Variants in ABCA1 observed in about 807,000 individuals in gnomAD.
The protein encoded by ABCA1 is ATP binding cassette subfamily A member 1.
A neutral mutation model predicts 262.5 loss-of-function variants in ABCA1; 133 were observed. The observed-to-expected ratio is 0.51, with a 90% confidence interval of 0.44 to 0.59. The LOEUF is 0.59. Ranked by LOEUF, ABCA1 falls within the 20% of genes least tolerant of loss-of-function variation. ABCA1 has a pLI of 0.00. For synonymous variants in ABCA1, 1,022 were observed against 1,043.5 expected (o/e 0.98, Z 0.40); for missense variants, 2,452 against 2,777.5 (o/e 0.88, Z 2.63).
At chr9:104,793,460 ACTTTCCAAGT>A (rs1829608645) in intron 40 of ABCA1, among the ~76,000 whole-genome samples, 160 bp from the exon 41 acceptor site, 1 of 152,166 alleles carries the variant, frequency 6.6e-6, no homozygotes, top group Non-Finnish European at 1.5e-5. Flanking sequence ...GAGAGTGATC[ACTTTCCAAGT>A]CTGATTTGGG....
At chr9:104,786,801 C>T in intron 47 of ABCA1, 72 bp downstream of exon 47, 1 of 1,344,126 alleles carries the variant, frequency 7.4e-7, no homozygotes, top group Non-Finnish European at 1.1e-6. Flanking sequence ...CTAATTTTTA[C>T]AAAATGATCG....
chr9:104,786,516 A>G lies in ABCA1; in HGVS notation c.6309-126T>C, dbSNP rs1479503069. The G allele has an allele frequency of 3.5e-6, 3 of 857,914 alleles. No homozygotes were observed. In the Admixed American group the frequency reaches 5.5e-5, roughly 16 times the overall value. The allele number at this position is 857,914 out of a possible 1,614,324, so 53.1% of individuals were successfully genotyped here. Reference sequence around the variant, plus strand: ...TTCTGTTACAAGTACATGTGGATATAGGGATGATGCTGTTCAGTGTAGTGG... The same window carrying G: ...TTCTGTTACAAGTACATGTGGATATGGGGATGATGCTGTTCAGTGTAGTGG... On this transcript the variant is annotated intron_variant, in intron 47 of 49. Transcript: ENST00000374736.
chr9:104,911,050 T>C (rs1187722064), intron 1 of ABCA1, among the ~76,000 whole-genome samples: 1 of 152,144 alleles, frequency 6.6e-6, no homozygotes, highest in African/African-American at 2.4e-5. Flanking sequence ...GTCTTTTTCG[T>C]AATTGAGGTA....
At chr9:104,867,666 T>C (rs1019009205) in intron 5 of ABCA1, among the ~76,000 whole-genome samples, 2 of 152,222 alleles carry the variant, frequency 1.3e-5, no homozygotes, top group African/African-American at 2.4e-5. Context: ...CTGATTTGTC[T>C]ACTCATAACT....
At chr9:104,912,260 G>A (rs1455278735) in intron 1 of ABCA1, among the ~76,000 whole-genome samples, 3 of 152,212 alleles carry the variant, frequency 2.0e-5, no homozygotes, top group Non-Finnish European at 4.4e-5. Flanking sequence ...CTGACCGGGT[G>A]TGGCGGCTCA....
At chr9:104,824,378 A>T in intron 18 of ABCA1, 87 bp downstream of exon 18, 3 of 1,589,580 alleles carry the variant, frequency 1.9e-6, no homozygotes, top group Non-Finnish European at 2.6e-6. Flanking sequence ...AGTCTTTTAG[A>T]AAGGCAGGAG....
chr9:104,860,469 C>T (rs555404432), intron 6 of ABCA1, among the ~76,000 whole-genome samples: 12 of 152,158 alleles, frequency 7.9e-5, no homozygotes, highest in Non-Finnish European at 1.0e-4. Context: ...AATTCTAGAT[C>T]ATGTGAAGCA....
At chr9:104,907,260 C>A (rs1182292230) in intron 1 of ABCA1, among the ~76,000 whole-genome samples, 2 of 152,172 alleles carry the variant, frequency 1.3e-5, no homozygotes, top group African/African-American at 4.8e-5. Context: ...CTGGCTAATG[C>A]CTAGGTCTCA....
intron 43 of ABCA1, among the ~76,000 whole-genome samples, 161 bp from the exon 44 acceptor site, chr9:104,791,189 A>G (rs1482534601): frequency 6.6e-6 from 1 of 152,236 alleles, no homozygotes; most frequent in East Asian, 1.9e-4. Flanking sequence ...TATGTATTTC[A>G]TAATGGGACC....
chr9:104,817,438 G>A lies in ABCA1; in HGVS notation c.3463-34C>T. ...AAAGAAGGAGGTGAGAACGGGTCAG[G>A]GACGGAGCAAGGCAGAGCCACCAGC... On this transcript the variant is annotated intron_variant, in intron 23 of 49. Coordinates refer to ENST00000374736, the MANE Select transcript of ABCA1 (RefSeq NM_005502.4). The surrounding 1 kb of genome is among the most constrained non-coding windows in gnomAD (Gnocchi z 4.7). The A allele has an allele frequency of 6.2e-7, 1 of 1,612,746 alleles. No homozygotes were observed. The highest frequency in any genetic ancestry group is 8.5e-7 in the Non-Finnish European group (1 of 1,178,806).
In ABCA1 at chr9:104,817,360, G is replaced by T; in HGVS notation, c.3507C>A (p.Ser1169Arg). The change falls in exon 24 of 50, where the codon AGC becomes AGA. Residue 1169 changes from serine (S) to arginine (R), a missense_variant. By Grantham distance (110) the Ser-to-Arg change is moderately radical (BLOSUM62 -1). Coordinates refer to ENST00000374736, the MANE Select transcript of ABCA1 (RefSeq NM_005502.4). The surrounding 1 kb of genome is among the most constrained non-coding windows in gnomAD (Gnocchi z 4.7). ...TGGTCAGCGTGTCACTCTCATGGTC[G>T]CTGCCCAGGCCAGCATCAGAACTGC... ...SQSSSDAGLG[S>R]DHESDTLTID... 6.2e-7 allele frequency: 1 copy of T among 1,614,148 alleles called. No individual in the cohort carries two copies. Among genetic ancestry groups the T allele is most frequent in the South Asian group, 1.1e-5 (1 of 91,090 alleles).
chr9:104,889,588 T>C (rs1266188008), intron 2 of ABCA1: 1 of 155,628 alleles, frequency 6.4e-6, no homozygotes, highest in Admixed American at 6.5e-5. Flanking sequence ...AATCATCTGT[T>C]TCTGTTGCTG....
chr9:104,858,503 A>G lies in ABCA1; in HGVS notation c.720+19T>C, dbSNP rs1836044579. 6.2e-7 allele frequency: 1 copy of G among 1,611,574 alleles called. No individual in the cohort carries two copies. Among genetic ancestry groups the G allele is most frequent in the Non-Finnish European group, 8.5e-7 (1 of 1,178,544 alleles). Reference sequence around the variant, plus strand: ...AAGCATTAGTGCTTGAAGTTTCTCCAGTGAGCAAGTCTACTCACCAGGATT... The same window carrying G: ...AAGCATTAGTGCTTGAAGTTTCTCCGGTGAGCAAGTCTACTCACCAGGATT... On this transcript the variant is annotated intron_variant, in intron 7 of 49. Transcript: ENST00000374736.
At chr9:104,862,649 CG>C (rs1283146626) in intron 5 of ABCA1, among the ~76,000 whole-genome samples, 446 of 11,612 alleles carry the variant, frequency 0.038, 30 homozygotes, top group Non-Finnish European at 0.052. Flanking sequence ...CGGGCCGGGC[CG>C]GGCCGGGCCG....
At chr9:104,787,432 G>A (rs903970935) in intron 46 of ABCA1, among the ~76,000 whole-genome samples, 7 of 151,858 alleles carry the variant, frequency 4.6e-5, no homozygotes, top group Non-Finnish European at 1.0e-4. Context: ...CCAGACCGAG[G>A]TGGAATACAT....
chr9:104,891,211 A>T (rs965152284), intron 2 of ABCA1, among the ~76,000 whole-genome samples: 2 of 152,080 alleles, frequency 1.3e-5, no homozygotes, highest in African/African-American at 2.4e-5. Flanking sequence ...TGATATTTTT[A>T]AAAAACTGTT....
chr9:104,814,047 AACAGGTGAGAGCATGAGAGAGAATTTC>A, intron 27 of ABCA1, 44 bp downstream of exon 27: 1 of 1,509,438 alleles, frequency 6.6e-7, no homozygotes. Context: ...ATCCAAAGAA[AACAGGTGAGAGCATGAGAGAGAATTTC>A]ACATTCAAAC....
chr9:104,788,286 G>A lies in ABCA1; in HGVS notation c.6069+140C>T. The A allele has an allele frequency of 3.0e-6, 3 of 1,010,002 alleles. No homozygotes were observed. In the South Asian group the frequency reaches 3.8e-5, roughly 13 times the overall value. The allele number at this position is 1,010,002 out of a possible 1,614,324, so 62.6% of individuals were successfully genotyped here. On this transcript the variant is annotated intron_variant, in intron 45 of 49. Coordinates refer to ENST00000374736, the MANE Select transcript of ABCA1 (RefSeq NM_005502.4). ...ACCGTTACAGGTTTCCACCCTGAAAGCAGATACAAAGAACCAGCATTTTGT... is the reference window on the plus strand; with the variant it reads ...ACCGTTACAGGTTTCCACCCTGAAAACAGATACAAAGAACCAGCATTTTGT...
intron 7 of ABCA1, among the ~76,000 whole-genome samples, chr9:104,850,423 G>A (rs1221653947): frequency 6.6e-6 from 1 of 152,178 alleles, no homozygotes; most frequent in African/African-American, 2.4e-5. Context: ...CACCCAGCCA[G>A]GAGTGTTCTT....
Sources: allele counts gnomAD v4.1 joint callset (sites outside exome capture counted in the v4.1 genomes callset), GRCh38; gene constraint gnomAD v4.1.1; non-coding constraint Gnocchi (gnomAD v3.1); transcripts MANE v1.5; gene names NCBI Gene and HGNC (gene_info 2026-07-23, HGNC 2026-07-21).